SYN3: variants seen among roughly 807,000 people sequenced by gnomAD.
SYN3 encodes synapsin-3.
A neutral mutation model predicts 65.8 loss-of-function variants in SYN3; 35 were observed. The observed-to-expected ratio is 0.53, with a 90% CI of 0.41 to 0.70. SYN3 has a LOEUF of 0.70. Ranked by LOEUF, SYN3 falls within the 30% of genes least tolerant of loss-of-function variation. The pLI, the probability that SYN3 is intolerant of heterozygous loss-of-function variation, is 0.00. For missense variants in SYN3, 680 were observed against 749.0 expected (o/e 0.91, Z 1.08); for synonymous variants, 270 against 292.9 (o/e 0.92, Z 0.80).
chr22:32,873,356 C>T (rs1391299678), intron 4 of SYN3, among the ~76,000 whole-genome samples: 1 of 151,244 alleles, frequency 6.6e-6, no homozygotes, highest in Non-Finnish European at 1.5e-5. Context: ...GGATTCAACT[C>T]TGTTAAGGGA....
intron 6 of SYN3, among the ~76,000 whole-genome samples, chr22:32,674,023 G>A (rs1188567615): frequency 1.3e-5 from 2 of 152,112 alleles, no homozygotes; most frequent in Non-Finnish European, 2.9e-5. Flanking sequence ...GGAGGCTGTT[G>A]CTGAAACCCA....
At chr22:32,852,384 T>C (rs2048244684) in intron 6 of SYN3, among the ~76,000 whole-genome samples, 1 of 152,202 alleles carries the variant, frequency 6.6e-6, no homozygotes, top group African/African-American at 2.4e-5. Context: ...TGGTTTATCA[T>C]CCAGCAGTGT....
At chr22:32,637,937 C>A (rs966532603) in intron 6 of SYN3, among the ~76,000 whole-genome samples, 4 of 152,196 alleles carry the variant, frequency 2.6e-5, no homozygotes, top group Admixed American at 1.3e-4. Flanking sequence ...CCGCGCCCAG[C>A]AACAGTTAGC....
At chr22:32,784,647 T>C (rs1219874595) in intron 6 of SYN3, among the ~76,000 whole-genome samples, 1 of 152,124 alleles carries the variant, frequency 6.6e-6, no homozygotes, top group African/African-American at 2.4e-5. Context: ...AGCTGCAGAG[T>C]GTATGGCAAC....
intron 6 of SYN3, among the ~76,000 whole-genome samples, chr22:32,781,231 A>C (rs1052533691): frequency 2.0e-5 from 3 of 152,000 alleles, no homozygotes; most frequent in African/African-American, 7.3e-5. Flanking sequence ...AAATGGACTC[A>C]CTGGGAAGTG....
chr22:32,745,947 G>A (rs901390421), intron 6 of SYN3, among the ~76,000 whole-genome samples: 1 of 152,162 alleles, frequency 6.6e-6, no homozygotes, highest in Non-Finnish European at 1.5e-5. Flanking sequence ...AAAGAAAAGA[G>A]GAGAGGACAA....
chr22:32,984,105 T>C (rs1213609830), intron 2 of SYN3, among the ~76,000 whole-genome samples: 1 of 133,502 alleles, frequency 7.5e-6, no homozygotes, highest in East Asian at 2.1e-4. Context: ...GAAGTTGCAG[T>C]GAGCCAAGAT....
chr22:32,961,740 C>G lies in SYN3; in HGVS notation c.369+18905G>C, dbSNP rs538114413. On this transcript the variant is annotated intron_variant, in intron 3 of 13. Coordinates refer to ENST00000358763, the MANE Select transcript of SYN3 (RefSeq NM_003490.4). ...TTGCCTTCATTGAACAGCGGAGGGC[C>G]GGGGGTTGCACATGCTCTGTATATT... is the stretch of plus-strand genomic sequence containing the variant. Among the ~76,000 whole-genome samples the G allele has an allele frequency of 8.5e-5, 13 of 152,328 alleles. No homozygotes were observed. The South Asian group carries it at 1.7e-3, about 19-fold the overall frequency.
At position 32,509,354 on chromosome 22, in the gene SYN3, C is replaced by T. The variant is rs1304547315; in HGVS notation, c.*4338G>A. On this transcript the variant is annotated 3_prime_UTR_variant, in exon 14 of 14. Transcript: ENST00000358763. ...TTGTGAAACAAAGCAAGAAAAACAA[C>T]AAACATAACATTTTAGAGTCTATAC... Among the ~76,000 whole-genome samples the T allele has an allele frequency of 1.3e-5, 2 of 152,162 alleles. No homozygotes were observed. Among genetic ancestry groups the T allele is most frequent in the African/African-American group, 2.4e-5 (1 of 41,442 alleles).
rs1315871199 is a variant in SYN3 at position 32,507,931 on chromosome 22, CG to C, written c.*5760del. Among the ~76,000 whole-genome samples, 30 of 151,992 alleles carry C rather than the reference CG, an allele frequency of 2.0e-4. No individual in the cohort carries two copies. The highest frequency in any genetic ancestry group is 3.1e-4 in the African/African-American group (13 of 41,290). On this transcript the variant is annotated 3_prime_UTR_variant, in exon 14 of 14. Coordinates refer to ENST00000358763, the MANE Select transcript of SYN3 (RefSeq NM_003490.4). Reference sequence around the variant, plus strand: ...TAATCTCTCCCACTCTAGGTTCCCACGCCGCCCCTAATCCCACTCGAAGCAG... The same window carrying C: ...TAATCTCTCCCACTCTAGGTTCCCACCCGCCCCTAATCCCACTCGAAGCAG...
intron 4 of SYN3, among the ~76,000 whole-genome samples, chr22:32,909,933 C>T (rs1232768304): frequency 6.6e-6 from 1 of 152,068 alleles, no homozygotes; most frequent in Admixed American, 6.5e-5. Context: ...CACATACAAG[C>T]GGTGTGCTCG....
At chr22:32,900,748 A>G (rs1477103133) in intron 4 of SYN3, among the ~76,000 whole-genome samples, 1 of 152,238 alleles carries the variant, frequency 6.6e-6, no homozygotes, top group Non-Finnish European at 1.5e-5. Flanking sequence ...AAAGACCTGG[A>G]CATGTATACT....
intron 6 of SYN3, among the ~76,000 whole-genome samples, chr22:32,764,847 T>C (rs577780789): frequency 6.6e-6 from 1 of 152,336 alleles, no homozygotes; most frequent in East Asian, 1.9e-4. Context: ...CTCTGCCATC[T>C]GTCCTCATTC....
At chr22:32,781,606 G>T (rs1457394473) in intron 6 of SYN3, among the ~76,000 whole-genome samples, 3 of 151,828 alleles carry the variant, frequency 2.0e-5, no homozygotes, top group Non-Finnish European at 4.4e-5. Flanking sequence ...TGTTACTTAG[G>T]TGTTTGCTAT....
chr22:32,702,621 G>A (rs1432757881), intron 6 of SYN3, among the ~76,000 whole-genome samples: 5 of 152,100 alleles, frequency 3.3e-5, no homozygotes, highest in Non-Finnish European at 7.3e-5. Flanking sequence ...CTTAACATAT[G>A]TTAACCTTTA....
chr22:32,919,750 T>C (rs1040284459), intron 4 of SYN3, among the ~76,000 whole-genome samples: 2 of 152,332 alleles, frequency 1.3e-5, no homozygotes, highest in African/African-American at 4.8e-5. Flanking sequence ...GATGGGATGT[T>C]AGAGAAGTCC....
intron 6 of SYN3, among the ~76,000 whole-genome samples, chr22:32,670,483 G>A (rs1215080378): frequency 6.6e-6 from 1 of 152,242 alleles, no homozygotes; most frequent in South Asian, 2.1e-4. Context: ...GATGACGCTG[G>A]GTCTCTGAAA....
In SYN3 at chr22:32,796,559, G is replaced by C. The variant is rs1029573070; in HGVS notation, c.711+68356C>G. Among the ~76,000 whole-genome samples the C allele has an allele frequency of 2.0e-5, 3 of 152,252 alleles. No homozygotes were observed. In the East Asian group the frequency reaches 5.8e-4, roughly 29 times the overall value. The stretch of plus-strand genomic sequence containing the variant: ...ACACAGAGAGATCCTGCAGTACCTC[G>C]CATCTTAGGCTCAGAATTGCCCAGT... On this transcript the variant is annotated intron_variant, in intron 6 of 13. Transcript: ENST00000358763.
intron 6 of SYN3, among the ~76,000 whole-genome samples, chr22:32,652,477 G>A (rs764289023): frequency 1.3e-5 from 2 of 149,010 alleles, no homozygotes; most frequent in South Asian, 4.2e-4. Context: ...TGCTTTCATC[G>A]TCTCAACTGG....
Sources: allele counts gnomAD v4.1 joint callset (sites outside exome capture counted in the v4.1 genomes callset), GRCh38; gene constraint gnomAD v4.1.1; transcripts MANE v1.5; gene names NCBI Gene and HGNC (gene_info 2026-07-23, HGNC 2026-07-21).